Variants in LRRC75A observed in about 807,000 individuals in gnomAD.
LRRC75A encodes the protein leucine-rich repeat-containing protein 75A.
Under a neutral mutation model 26.0 loss-of-function variants are expected in LRRC75A, and 12 were observed. That is an observed-to-expected ratio of 0.46 (90% CI 0.30 to 0.75). The LOEUF (loss-of-function observed/expected upper bound fraction) is 0.75. Ranked by LOEUF, LRRC75A falls within the 30% of genes least tolerant of loss-of-function variation. The pLI, the probability that LRRC75A is intolerant of heterozygous loss-of-function variation, is 0.08. For missense variants in LRRC75A, 410 were observed against 486.6 expected, an observed-to-expected ratio of 0.84 and a Z score of 1.48; for synonymous variants, 223 against 219.3, an observed-to-expected ratio of 1.02 and a Z score of -0.15.
At chr17:16,476,647 C>A (rs893945933) in intron 1 of LRRC75A, among the ~76,000 whole-genome samples, 1 of 151,730 alleles carries the variant, frequency 6.6e-6, no homozygotes, top group Non-Finnish European at 1.5e-5. Context: ...TCACTGCAAC[C>A]TCTGCCTCCC....
chr17:16,448,199 CT>C, intron 2 of LRRC75A: 1 of 488,134 alleles, frequency 2.0e-6, no homozygotes, highest in South Asian at 2.0e-5. Flanking sequence ...TTATGTAAGT[CT>C]GGATTCCAGG....
rs1308868179 is a variant in LRRC75A, at chr17:16,480,358, G to A, written c.246+11387C>T. Among the ~76,000 whole-genome samples the A allele has an allele frequency of 3.9e-5, 6 of 152,220 alleles. No individual in the cohort carries two copies. In the South Asian group the frequency reaches 8.3e-4, roughly 21 times the overall value. On this transcript the variant is annotated intron_variant, in intron 1 of 3. Coordinates refer to ENST00000470794, the MANE Select transcript of LRRC75A (RefSeq NM_001113567.3). ...AGATTGGAGACCGCTGCCCGGGCAC[G>A]GTGGCTCATGCCTGTAATCCTAGCA...
intron 2 of LRRC75A, among the ~76,000 whole-genome samples, chr17:16,449,537 C>A (rs189599095): frequency 4.0e-4 from 61 of 152,316 alleles, no homozygotes; most frequent in Admixed American, 1.9e-3. Flanking sequence ...GATAGCGGCA[C>A]CAGCACAGAG....
In LRRC75A at chr17:16,462,479, C is replaced by G; in HGVS notation, c.247-93G>C. The G allele has an allele frequency of 6.5e-7, 1 of 1,530,594 alleles. No homozygotes were observed. Among genetic ancestry groups the G allele is most frequent in the Non-Finnish European group, 8.8e-7 (1 of 1,132,438 alleles). 94.8% of individuals were successfully genotyped at this position (1,530,594 alleles called of 1,614,324 possible). On this transcript the variant is annotated intron_variant, in intron 1 of 3. Coordinates refer to ENST00000470794, the MANE Select transcript of LRRC75A (RefSeq NM_001113567.3). This position sits in a 1 kb window ranked among gnomAD's most constrained non-coding sequence, Gnocchi z 4.6. ...AGAAGTAGGCACAGACCCCTAGAGG[C>G]GACTCTGCCTCCCAGAGCCCCGGTG...
intron 1 of LRRC75A, among the ~76,000 whole-genome samples, chr17:16,490,077 A>G (rs2093854344): frequency 6.6e-6 from 1 of 152,214 alleles, no homozygotes; most frequent in South Asian, 2.1e-4. Flanking sequence ...TGGGGAGCCC[A>G]AAGTATCTGC....
chr17:16,460,643 A>G (rs2093720887), intron 2 of LRRC75A, among the ~76,000 whole-genome samples: 1 of 152,360 alleles, frequency 6.6e-6, no homozygotes, highest in African/African-American at 2.4e-5. Flanking sequence ...CATAGGCCCA[A>G]ATCACACCTG....
intron 1 of LRRC75A, among the ~76,000 whole-genome samples, chr17:16,477,488 C>A (rs1193211712): frequency 6.6e-6 from 1 of 152,176 alleles, no homozygotes; most frequent in African/African-American, 2.4e-5. Flanking sequence ...GGAGACCAGG[C>A]GGGATAGAGG....
intron 1 of LRRC75A, chr17:16,464,081 T>C (rs1214817356): frequency 6.6e-6 from 1 of 152,162 alleles, no homozygotes; most frequent in African/African-American, 2.4e-5. Flanking sequence ...CTACCTGCCG[T>C]GGTTAGGGGG....
intron 1 of LRRC75A, among the ~76,000 whole-genome samples, chr17:16,480,148 A>C (rs903637533): frequency 6.6e-6 from 1 of 152,240 alleles, no homozygotes; most frequent in African/African-American, 2.4e-5. Context: ...GCAGGAAAAG[A>C]AGCTCAGCGC....
intron 1 of LRRC75A, among the ~76,000 whole-genome samples, chr17:16,471,863 G>C (rs537179134): frequency 6.6e-6 from 1 of 152,144 alleles, no homozygotes; most frequent in Non-Finnish European, 1.5e-5. Flanking sequence ...ATCATTCAAA[G>C]TACTCAAATT....
At chr17:16,445,023 A>G (rs1432285732) in intron 3 of LRRC75A, among the ~76,000 whole-genome samples, 1 of 146,162 alleles carries the variant, frequency 6.8e-6, no homozygotes, top group East Asian at 2.1e-4. Context: ...TAATTTTTGT[A>G]TTTTTAGTAG....
chr17:16,488,757 C>A (rs1268120936), intron 1 of LRRC75A, among the ~76,000 whole-genome samples: 1 of 152,244 alleles, frequency 6.6e-6, no homozygotes, highest in Admixed American at 6.5e-5. Flanking sequence ...GCACCCCTGG[C>A]CACAGCTCAG....
At chr17:16,444,153 A>C (rs746687777) in intron 3 of LRRC75A, 22 bp from the exon 4 acceptor site, 22 of 1,560,626 alleles carry the variant, frequency 1.4e-5, no homozygotes, top group Non-Finnish European at 1.7e-5. Flanking sequence ...AAGGACAAAC[A>C]AGGCTCAGGC....
chr17:16,491,471 T>C lies in LRRC75A; in HGVS notation c.246+274A>G. Among the ~76,000 whole-genome samples, 1 of 152,184 alleles carries C rather than the reference T, an allele frequency of 6.6e-6. No homozygotes were observed. Among genetic ancestry groups the C allele is most frequent in the Non-Finnish European group, 1.5e-5 (1 of 68,014 alleles). On this transcript the variant is annotated intron_variant, in intron 1 of 3. Transcript: ENST00000470794. This position sits in a 1 kb window ranked among gnomAD's most constrained non-coding sequence, Gnocchi z 5.9. ...CTGTCCCCGGAGACCAGCCTCCTTCTCTGCCTGCGGAGGAGAGCAGTGGGG... is the reference window on the plus strand; with the variant it reads ...CTGTCCCCGGAGACCAGCCTCCTTCCCTGCCTGCGGAGGAGAGCAGTGGGG...
chr17:16,441,911 T>A lies in LRRC75A; in HGVS notation c.*1677A>T, dbSNP rs1278375117. 3.6e-4 allele frequency: 1 copy of A among 2,814 alleles called. No homozygotes were observed. The highest frequency in any genetic ancestry group is 5.1e-4 in the Non-Finnish European group (1 of 1,956). 0.2% of individuals were successfully genotyped at this position (2,814 alleles called of 1,614,324 possible). A position where few individuals can be genotyped will look rare whatever the true frequency, so the allele number is the denominator to read the frequency against. ...AATTGACTTTCATAAATTGGTTATGTTGGTGGGCAAAGTTCTTTAAGCTGG... is the reference window on the plus strand; with the variant it reads ...AATTGACTTTCATAAATTGGTTATGATGGTGGGCAAAGTTCTTTAAGCTGG... On this transcript the variant is annotated 3_prime_UTR_variant, in exon 4 of 4. Transcript: ENST00000470794.
At chr17:16,486,034 G>C (rs557774942) in intron 1 of LRRC75A, among the ~76,000 whole-genome samples, 15 of 152,340 alleles carry the variant, frequency 9.8e-5, no homozygotes, top group Non-Finnish European at 1.9e-4. Flanking sequence ...TCTCCTGAGA[G>C]AGAACGCCAG....
Position 16,491,793 on chromosome 17 carries a change from G to C in LRRC75A, c.198C>G (p.Arg66=). Residue 66 remains arginine (R), a synonymous_variant, in exon 1 of 4, where the codon CGC becomes CGG. Coordinates refer to ENST00000470794, the MANE Select transcript of LRRC75A (RefSeq NM_001113567.3). The surrounding 1 kb of genome is among the most constrained non-coding windows in gnomAD (Gnocchi z 5.9). ...GMVQELLRMV[R]QGRREEAGTL... ...TCCCCGCCTCCTCCCGCCGGCCCTG[G>C]CGCACCATCCGCAGCAGCTCCTGGA... The C allele has an allele frequency of 1.4e-6, 2 of 1,433,650 alleles. No individual in the cohort carries two copies. The highest frequency in any genetic ancestry group is 1.5e-5 in the African/African-American group (1 of 66,560). 88.8% of individuals were successfully genotyped at this position (1,433,650 alleles called of 1,614,324 possible).
chr17:16,462,192 C>A lies in LRRC75A; in HGVS notation c.375+66G>T. 1 of 1,591,660 alleles carries A rather than the reference C, an allele frequency of 6.3e-7. No individual in the cohort carries two copies. On this transcript the variant is annotated intron_variant, in intron 2 of 3. Coordinates refer to ENST00000470794, the MANE Select transcript of LRRC75A (RefSeq NM_001113567.3). This position sits in a 1 kb window ranked among gnomAD's most constrained non-coding sequence, Gnocchi z 4.6. ...CCAGTCCTCCTTGGGCATACAGCTG[C>A]TCTGCCCAGAAAGGCACCCACCGCA...
chr17:16,443,155 C>T lies in LRRC75A; in HGVS notation c.*433G>A, dbSNP rs1477305524. 1 of 161,846 alleles carries T rather than the reference C, an allele frequency of 6.2e-6. No individual in the cohort carries two copies. The highest frequency in any genetic ancestry group is 1.3e-5 in the Non-Finnish European group (1 of 74,832). The allele number at this position is 161,846 out of a possible 1,614,324, so 10.0% of individuals were successfully genotyped here. A position where few individuals can be genotyped will look rare whatever the true frequency, so the allele number is the denominator to read the frequency against. ...CACCTTCCTTGAGTGGGGACACATTCCTCTGGTTGGAGCTTGTTCCCCTAA... is the reference window on the plus strand; with the variant it reads ...CACCTTCCTTGAGTGGGGACACATTTCTCTGGTTGGAGCTTGTTCCCCTAA... On this transcript the variant is annotated 3_prime_UTR_variant, in exon 4 of 4. Transcript: ENST00000470794.
Sources: allele counts gnomAD v4.1 joint callset (sites outside exome capture counted in the v4.1 genomes callset), GRCh38; gene constraint gnomAD v4.1.1; non-coding constraint Gnocchi (gnomAD v3.1); transcripts MANE v1.5; gene names NCBI Gene and HGNC (gene_info 2026-07-23, HGNC 2026-07-21).